TACC1: variants seen among roughly 807,000 people sequenced by gnomAD.
TACC1 encodes transforming acidic coiled-coil-containing protein 1.
A neutral mutation model predicts 84.4 loss-of-function variants in TACC1; 48 were observed. That is an observed-to-expected ratio of 0.57 (90% confidence interval 0.45 to 0.72). TACC1 has a LOEUF of 0.72. Ranked by LOEUF, TACC1 falls within the 30% of genes least tolerant of loss-of-function variation. The probability of loss-of-function intolerance (pLI) is 0.00; values close to 1 mark genes in which losing one functional copy is unlikely to be tolerated. For synonymous variants in TACC1, 372 were observed against 376.3 expected, an observed-to-expected ratio of 0.99 and a Z score of 0.13; for missense variants, 920 against 973.0, an observed-to-expected ratio of 0.95 and a Z score of 0.72.
intron 2 of TACC1, among the ~76,000 whole-genome samples, chr8:38,798,031 C>T (rs1820396403): frequency 6.6e-6 from 1 of 152,206 alleles, no homozygotes; most frequent in Non-Finnish European, 1.5e-5. Context: ...CTTTGGCTTC[C>T]TGGTGGGTGG....
chr8:38,766,165 G>C (rs1374588857), intron 3 of TACC1, among the ~76,000 whole-genome samples: 4 of 152,168 alleles, frequency 2.6e-5, no homozygotes, highest in Non-Finnish European at 4.4e-5. Flanking sequence ...TGGTACCCTT[G>C]ATGAGTGACT....
chr8:38,778,195 C>T (rs781439002), intron 3 of TACC1, among the ~76,000 whole-genome samples: 1 of 152,002 alleles, frequency 6.6e-6, no homozygotes, highest in Non-Finnish European at 1.5e-5. Flanking sequence ...ATCCTCCTGC[C>T]TTCGTCTCCC....
At chr8:38,752,009 G>C (rs1809130025) in intron 3 of TACC1, among the ~76,000 whole-genome samples, 1 of 152,160 alleles carries the variant, frequency 6.6e-6, no homozygotes, top group African/African-American at 2.4e-5. Flanking sequence ...TAACCACCAA[G>C]CGTAGTTCCT....
intron 2 of TACC1, among the ~76,000 whole-genome samples, chr8:38,802,560 G>A (rs1821649352): frequency 1.3e-5 from 2 of 152,258 alleles, no homozygotes; most frequent in African/African-American, 2.4e-5. Context: ...CCGGTCCCTG[G>A]TGCCAAAAAG....
intron 3 of TACC1, among the ~76,000 whole-genome samples, chr8:38,768,676 TGTCAGA>T (rs1348456047): frequency 6.6e-6 from 1 of 151,572 alleles, no homozygotes; most frequent in African/African-American, 2.4e-5. Context: ...TGTGTGTGTG[TGTCAGA>T]CAGAGAGAGA....
rs981165781 is a variant in TACC1, at chr8:38,787,328, C to T, written c.-255C>T. On this transcript the variant is annotated 5_prime_UTR_variant, in exon 1 of 13. Coordinates refer to ENST00000317827, the MANE Select transcript of TACC1 (RefSeq NM_006283.3). ...GGAGGCCACAGGACGGGCGTCTTCC[C>T]GGCTAGTGGAGCCCGGCGCGGGGCC... The T allele has an allele frequency of 1.6e-6, 2 of 1,263,248 alleles. No individual in the cohort carries two copies. Among genetic ancestry groups the T allele is most frequent in the South Asian group, 4.7e-5 (2 of 42,796 alleles). 78.3% of individuals were successfully genotyped at this position (1,263,248 alleles called of 1,614,324 possible). A position where few individuals can be genotyped will look rare whatever the true frequency, so the allele number is the denominator to read the frequency against.
intron 3 of TACC1, among the ~76,000 whole-genome samples, chr8:38,779,987 G>A (rs1424619301): frequency 6.6e-6 from 1 of 152,166 alleles, no homozygotes; most frequent in African/African-American, 2.4e-5. Context: ...AGTTCCTTAG[G>A]TAATAACAAT....
chr8:38,846,700 G>A lies in TACC1; in HGVS notation c.2230G>A (p.Ala744Thr). 6.2e-7 allele frequency: 1 copy of A among 1,614,076 alleles called. No individual in the cohort carries two copies. Among genetic ancestry groups the A allele is most frequent in the Non-Finnish European group, 8.5e-7 (1 of 1,180,000 alleles). The stretch of plus-strand genomic sequence containing the variant: ...ATTACACCCAAACACCATAAACAGA[G>A]CCAATGAAGAGATTGCTCAGGTTCG... ...KIHAEEKLDK[A>T]NEEIAQVRTK... The change falls in exon 12 of 13, where the codon GCC (alanine) becomes ACC (threonine). Residue 744 changes from alanine to threonine, a missense_variant and splice_region_variant. Physicochemically the swap from Ala to Thr is moderately conservative, Grantham distance 58. Coordinates refer to ENST00000317827, the MANE Select transcript of TACC1 (RefSeq NM_006283.3).
At chr8:38,810,962 A>G (rs903343482) in intron 2 of TACC1, among the ~76,000 whole-genome samples, 2 of 151,988 alleles carry the variant, frequency 1.3e-5, no homozygotes, top group Admixed American at 1.3e-4. Flanking sequence ...TGTACATACA[A>G]ATTAAAAACT....
At chr8:38,839,152 G>A (rs1830756402) in intron 8 of TACC1, 1 of 333,784 alleles carries the variant, frequency 3.0e-6, no homozygotes, top group African/African-American at 2.1e-5. Flanking sequence ...GCCTCCCAAA[G>A]TGCTGGGATT....
At chr8:38,732,125 C>T (rs182401102) in intron 1 of TACC1, among the ~76,000 whole-genome samples, 215 of 118,176 alleles carry the variant, frequency 1.8e-3, no homozygotes, top group African/African-American at 6.4e-3. Flanking sequence ...ATAACAACAA[C>T]AAAGAAAAGA....
Position 38,787,477 on chromosome 8 carries a change from A to G in TACC1, c.-106A>G, listed in dbSNP as rs1468103497. 1.4e-5 allele frequency: 19 copies of G among 1,397,348 alleles called. No homozygotes were observed. Among genetic ancestry groups the G allele is most frequent in the Admixed American group, 3.5e-5 (1 of 28,598 alleles). 86.6% of individuals were successfully genotyped at this position (1,397,348 alleles called of 1,614,324 possible). A position where few individuals can be genotyped will look rare whatever the true frequency, so the allele number is the denominator to read the frequency against. On this transcript the variant is annotated 5_prime_UTR_variant, in exon 1 of 13. Transcript: ENST00000317827. ...TAACCACATCCGCGCCTCTGCTGGA[A>G]ACGCTTGCTGGCGCCTGTCACCGGT...
Position 38,819,628 on chromosome 8 carries a change from C to A in TACC1, c.384C>A (p.Asp128Glu). The change falls in exon 3 of 13, where the codon GAC becomes GAA. Residue 128 changes from aspartate to glutamate, a missense_variant. Asp to Glu is a conservative substitution (Grantham distance 45). Coordinates refer to ENST00000317827, the MANE Select transcript of TACC1 (RefSeq NM_006283.3). Reference protein sequence around the residue: ...SENEVPQQAIDSHSVKNFREE... With the variant: ...SENEVPQQAIESHSVKNFREE... ...ATGAAGTGCCACAGCAGGCCATTGA[C>A]TCTCACTCAGTCAAGAATTTCAGAG... 1 of 1,614,244 alleles carries A rather than the reference C, an allele frequency of 6.2e-7. No homozygotes were observed.
chr8:38,773,650 G>C (rs1239251553), intron 3 of TACC1, among the ~76,000 whole-genome samples: 4 of 144,914 alleles, frequency 2.8e-5, no homozygotes, highest in Non-Finnish European at 6.2e-5. Context: ...GTCCAAATAA[G>C]TACATGCTTG....
rs889356898 is a variant in TACC1, at chr8:38,849,949, G to T, written c.*1926G>T. On this transcript the variant is annotated 3_prime_UTR_variant, in exon 13 of 13. Transcript: ENST00000317827. Reference sequence around the variant, plus strand: ...AAATAAGTTAATTTTGCATTTTGCAGAAAGAAACATTGATTGCTAAATCTT... The same window carrying T: ...AAATAAGTTAATTTTGCATTTTGCATAAAGAAACATTGATTGCTAAATCTT... The T allele has an allele frequency of 5.2e-5, 8 of 152,602 alleles. No individual in the cohort carries two copies. The highest frequency in any genetic ancestry group is 1.4e-4 in the African/African-American group (6 of 41,426). 9.5% of individuals were successfully genotyped at this position (152,602 alleles called of 1,614,324 possible).
upstream of TACC1, among the ~76,000 whole-genome samples, chr8:38,783,086 CTATCTATCTATCTATCTATCTATA>C (rs1563440559): frequency 5.6e-5 from 6 of 107,916 alleles, no homozygotes; most frequent in South Asian, 3.4e-4. Context: ...ATCTATCTAT[CTATCTATCTATCTATCTATCTATA>C]TATATATATA....
At chr8:38,758,657 C>A (rs1258387798) in intron 3 of TACC1, among the ~76,000 whole-genome samples, 2 of 117,748 alleles carry the variant, frequency 1.7e-5, no homozygotes, top group South Asian at 2.8e-4. Context: ...CCAGCCTGGG[C>A]GACAGAGGGA....
At position 38,769,659 on chromosome 8, in the gene TACC1, G is replaced by A. The variant is rs981200868; in HGVS notation, c.27-19045G>A. Among the ~76,000 whole-genome samples the A allele has an allele frequency of 4.2e-5, 6 of 143,274 alleles. No individual in the cohort carries two copies. The South Asian group carries it at 1.4e-3, about 32-fold the overall frequency. 94.0% of individuals were successfully genotyped at this position (143,274 alleles called of 152,430 possible). A position where few individuals can be genotyped will look rare whatever the true frequency, so the allele number is the denominator to read the frequency against. ...GACTACGTGGGGTGTGTGTGTGTGA[G>A]AGAGAGACTGGGTATGGGTGAGGGT... On this transcript the variant is annotated intron_variant, in intron 3 of 14. Transcript: ENST00000518415.
chr8:38,787,390 G>A lies in TACC1; in HGVS notation c.-193G>A, dbSNP rs1424101205. 7 of 1,355,002 alleles carry A rather than the reference G, an allele frequency of 5.2e-6. No individual in the cohort carries two copies. Among genetic ancestry groups the A allele is most frequent in the East Asian group, 6.3e-5 (2 of 31,926 alleles). The allele number at this position is 1,355,002 out of a possible 1,614,324, so 83.9% of individuals were successfully genotyped here. A position where few individuals can be genotyped will look rare whatever the true frequency, so the allele number is the denominator to read the frequency against. On this transcript the variant is annotated 5_prime_UTR_variant, in exon 1 of 13. Coordinates refer to ENST00000317827, the MANE Select transcript of TACC1 (RefSeq NM_006283.3). ...CACCGTGAGGGGAGGAGGCCGAGGA[G>A]GACGCAGCGCCGGCTGCCGGCGGGA...
Sources: allele counts gnomAD v4.1 joint callset (sites outside exome capture counted in the v4.1 genomes callset), GRCh38; gene constraint gnomAD v4.1.1; transcripts MANE v1.5; gene names NCBI Gene and HGNC (gene_info 2026-07-23, HGNC 2026-07-21).